Variants in LEF1 observed in about 807,000 individuals in gnomAD.
The protein encoded by LEF1 is lymphoid enhancer binding factor 1, also known as lymphoid enhancer-binding factor 1.
Under a neutral mutation model 51.2 loss-of-function variants are expected in LEF1, and 14 were observed. The ratio of observed to expected loss-of-function variants is 0.27; its 90% confidence interval spans 0.18 to 0.43. The LOEUF (loss-of-function observed/expected upper bound fraction) is 0.43, where lower values mean the gene tolerates loss of function less well. Ranked by LOEUF, LEF1 falls within the 20% of genes least tolerant of loss-of-function variation. The probability of loss-of-function intolerance (pLI) is 1.00; values close to 1 mark genes in which losing one functional copy is unlikely to be tolerated. For missense variants in LEF1, 386 were observed against 512.0 expected (o/e 0.75, Z 2.37); for synonymous variants, 185 against 183.2 (o/e 1.01, Z -0.08).
chr4:108,066,528 G>A (rs536287977), intron 9 of LEF1, among the ~76,000 whole-genome samples: 5 of 152,204 alleles, frequency 3.3e-5, no homozygotes, highest in African/African-American at 7.2e-5. Context: ...TCAGCACCAC[G>A]CTCCCCCACT....
intron 9 of LEF1, among the ~76,000 whole-genome samples, chr4:108,068,467 A>T (rs1174496035): frequency 2.6e-5 from 4 of 152,164 alleles, no homozygotes; most frequent in Non-Finnish European, 5.9e-5. Flanking sequence ...TGAAAAATGG[A>T]GTAATAATAT....
At position 108,116,069 on chromosome 4, in the gene LEF1, T is replaced by C. The variant is rs1741820576; in HGVS notation, c.415-26812A>G. Among the ~76,000 whole-genome samples, 3 of 152,154 alleles carry C rather than the reference T, an allele frequency of 2.0e-5. No homozygotes were observed. The South Asian group carries it at 6.2e-4, about 32-fold the overall frequency. ...AAGTTAAGCTATAGGCTCACTGCTG[T>C]GCTCCCGCCCAGGCAAGATTTTGAC... On this transcript the variant is annotated intron_variant, in intron 3 of 11. Transcript: ENST00000265165.
intron 5 of LEF1, 130 bp downstream of exon 5, chr4:108,083,226 C>T: frequency 1.4e-6 from 1 of 713,650 alleles, no homozygotes; most frequent in East Asian, 2.6e-5. Context: ...ATAAAGTTAG[C>T]ACCTTGCTTG....
chr4:108,090,427 C>T (rs550183349), intron 3 of LEF1, among the ~76,000 whole-genome samples: 16 of 152,138 alleles, frequency 1.1e-4, no homozygotes, highest in Non-Finnish European at 2.4e-4. Flanking sequence ...TGGACTTCAT[C>T]AATTTGAAAT....
chr4:108,102,024 T>C (rs1283324552), intron 3 of LEF1, among the ~76,000 whole-genome samples: 3 of 150,344 alleles, frequency 2.0e-5, no homozygotes, highest in Admixed American at 6.6e-5. Context: ...TAGCACACCA[T>C]TGCACTCCAG....
intron 3 of LEF1, among the ~76,000 whole-genome samples, chr4:108,113,709 T>C (rs536762499): frequency 1.3e-5 from 2 of 152,242 alleles, no homozygotes; most frequent in East Asian, 1.9e-4. Flanking sequence ...CAGTAATGTG[T>C]TGGGAGGGTG....
chr4:108,133,809 T>C (rs909294021), intron 3 of LEF1, among the ~76,000 whole-genome samples: 5 of 152,236 alleles, frequency 3.3e-5, no homozygotes, highest in Non-Finnish European at 5.9e-5. Context: ...GAATGATCTG[T>C]GTCTGAGATT....
chr4:108,163,905 TTTA>T (rs1745227558), intron 2 of LEF1, among the ~76,000 whole-genome samples: 1 of 152,242 alleles, frequency 6.6e-6, no homozygotes, highest in Non-Finnish European at 1.5e-5. Flanking sequence ...AACCAGATGT[TTTA>T]AAAACATGTA....
At chr4:108,122,510 CT>C (rs1330376551) in intron 3 of LEF1, among the ~76,000 whole-genome samples, 3 of 152,156 alleles carry the variant, frequency 2.0e-5, no homozygotes, top group Non-Finnish European at 4.4e-5. Context: ...CAGAGTCTCA[CT>C]TTGTCACCCA....
chr4:108,162,030 C>T (rs1426505427), intron 3 of LEF1, among the ~76,000 whole-genome samples: 2 of 152,046 alleles, frequency 1.3e-5, no homozygotes, highest in Non-Finnish European at 2.9e-5. Context: ...TTAAAGTCTC[C>T]TACAACTTTT....
chr4:108,083,480 A>G (rs754249408), intron 4 of LEF1, 34 bp from the exon 5 acceptor site: 2 of 1,376,478 alleles, frequency 1.5e-6, no homozygotes, highest in South Asian at 2.5e-5. Flanking sequence ...TCATTTACAG[A>G]TTCACAGGAT....
At chr4:108,069,957 CA>C (rs5860891) in intron 9 of LEF1, among the ~76,000 whole-genome samples, 9,266 of 142,458 alleles carry the variant, frequency 0.065, 789 homozygotes, top group African/African-American at 0.2. Context: ...GATTCTGTCT[CA>C]AAAAAAAAAA....
Position 108,099,570 on chromosome 4 carries a change from GTATATATATATATATATATATATA to G in LEF1, c.415-10337_415-10314del, listed in dbSNP as rs551521155. ...TGTGTGTGTGTATGTGTGTGTGTGT[GTATATATATATATATATATATATA>G]TATATATATATATATATATATATAA... is the stretch of plus-strand genomic sequence containing the variant. On this transcript the variant is annotated intron_variant, in intron 3 of 11. Transcript: ENST00000265165. Among the ~76,000 whole-genome samples the G allele has an allele frequency of 4.0e-4, 28 of 70,194 alleles. 2 individuals are homozygous for G. Among genetic ancestry groups the G allele is most frequent in the Admixed American group, 2.0e-3 (11 of 5,620 alleles). The allele number at this position is 70,194 out of a possible 152,430, so 46.0% of individuals were successfully genotyped here.
At chr4:108,048,826 C>A (rs1368638019) in intron 11 of LEF1, 75 bp from the exon 12 acceptor site, 2 of 973,522 alleles carry the variant, frequency 2.1e-6, no homozygotes, top group Non-Finnish European at 3.0e-6. Flanking sequence ...CTATTCCATA[C>A]CATATATGTC....
intron 6 of LEF1, 65 bp downstream of exon 6, chr4:108,081,521 G>T: frequency 2.3e-6 from 3 of 1,310,590 alleles, no homozygotes; most frequent in Non-Finnish European, 3.3e-6. Flanking sequence ...AAGCAGAGGC[G>T]CACAGGATGC....
chr4:108,123,422 G>T (rs1742297881), intron 3 of LEF1, among the ~76,000 whole-genome samples: 1 of 133,420 alleles, frequency 7.5e-6, no homozygotes, highest in Non-Finnish European at 1.6e-5. Flanking sequence ...CCAGCTTTCT[G>T]CTAGGGTTGG....
intron 9 of LEF1, among the ~76,000 whole-genome samples, chr4:108,066,585 G>C (rs1738095501): frequency 6.6e-6 from 1 of 152,162 alleles, no homozygotes; most frequent in Non-Finnish European, 1.5e-5. Flanking sequence ...AACTGAGCCT[G>C]CACCGTTACG....
intron 3 of LEF1, among the ~76,000 whole-genome samples, chr4:108,091,858 A>T (rs1332063794): frequency 6.6e-6 from 1 of 152,188 alleles, no homozygotes; most frequent in Non-Finnish European, 1.5e-5. Flanking sequence ...CAAATGTTAA[A>T]ATCGATAGAT....
chr4:108,144,101 G>C (rs981582301), intron 3 of LEF1, among the ~76,000 whole-genome samples: 2 of 152,086 alleles, frequency 1.3e-5, no homozygotes, highest in Non-Finnish European at 2.9e-5. Context: ...GAGTTAATAG[G>C]TACTGCCCAA....
Sources: gnomAD v4.1 joint callset for allele counts (sites outside exome capture counted in the v4.1 genomes callset) on GRCh38, gnomAD v4.1.1 for gene constraint, MANE v1.5 for transcripts, NCBI Gene and HGNC (gene_info 2026-07-23, HGNC 2026-07-21) for gene names.